Variants in TDP1 observed in about 807,000 individuals in gnomAD.
The protein encoded by TDP1 is tyr-DNA phosphodiesterase 1.
Under a neutral mutation model 81.5 loss-of-function variants are expected in TDP1, and 64 were observed. That is an observed-to-expected ratio of 0.79 (90% CI 0.64 to 0.97). The LOEUF (loss-of-function observed/expected upper bound fraction) is 0.97. Among genes scored for constraint, TDP1 ranks in the 50% least tolerant of loss-of-function variants. The pLI is 0.00. For synonymous variants in TDP1, 256 were observed against 264.3 expected, an observed-to-expected ratio of 0.97 and a Z score of 0.30; for missense variants, 723 against 743.8, an observed-to-expected ratio of 0.97 and a Z score of 0.33.
At chr14:90,001,713 C>G (rs1326287704) in intron 14 of TDP1, among the ~76,000 whole-genome samples, 2 of 152,142 alleles carry the variant, frequency 1.3e-5, no homozygotes, top group African/African-American at 4.8e-5. Flanking sequence ...AATAACTATA[C>G]TTTTCTTTCA....
At chr14:89,988,525 A>T in intron 10 of TDP1, 1 of 901,112 alleles carries the variant, frequency 1.1e-6, no homozygotes, top group Non-Finnish European at 1.3e-6. Flanking sequence ...GACCAAATAC[A>T]TATTTCATAG....
chr14:90,019,406 C>T lies in TDP1; in HGVS notation c.1632C>T (p.Leu544=), dbSNP rs1360388206. 1.2e-5 allele frequency: 19 copies of T among 1,595,700 alleles called. No homozygotes were observed. The highest frequency in any genetic ancestry group is 1.4e-5 in the Non-Finnish European group (16 of 1,163,234). Residue 544 remains leucine, a synonymous_variant, in exon 15 of 17, where the codon CTC becomes CTT. Coordinates refer to ENST00000335725, the MANE Select transcript of TDP1 (RefSeq NM_018319.4). ...CCTACGAGCTCGGGGTCCTTTTCCT[C>T]CCTTCAGCATTTGTAAGTTTACACT... ...IRSYELGVLF[L]PSAFGLDSFK... is the part of the protein sequence containing the mutation.
At chr14:90,010,186 T>G (rs565167341) in intron 14 of TDP1, among the ~76,000 whole-genome samples, 1 of 152,170 alleles carries the variant, frequency 6.6e-6, no homozygotes, top group African/African-American at 2.4e-5. Context: ...GATGAAAAGG[T>G]TTTTCTGAGT....
At chr14:90,007,530 A>G (rs1884177132) in intron 14 of TDP1, among the ~76,000 whole-genome samples, 2 of 152,232 alleles carry the variant, frequency 1.3e-5, no homozygotes, top group South Asian at 2.1e-4. Context: ...CAGAGGTGGC[A>G]GTGAGCTGAG....
At position 90,043,311 on chromosome 14, in the gene TDP1, T is replaced by A; in HGVS notation, c.*168T>A. 1 of 730,702 alleles carries A rather than the reference T, an allele frequency of 1.4e-6. No homozygotes were observed. Among genetic ancestry groups the A allele is most frequent in the Non-Finnish European group, 2.3e-6 (1 of 431,550 alleles). 45.3% of individuals were successfully genotyped at this position (730,702 alleles called of 1,614,324 possible). Reference sequence around the variant, plus strand: ...TGTTGGTTATACTTTTAATGGACATTAACATTCCTAATAAAGTATTAGTTT... The same window carrying A: ...TGTTGGTTATACTTTTAATGGACATAAACATTCCTAATAAAGTATTAGTTT... On this transcript the variant is annotated 3_prime_UTR_variant, in exon 17 of 17. Transcript: ENST00000335725.
chr14:89,973,624 C>T (rs1005416364), intron 6 of TDP1, among the ~76,000 whole-genome samples: 5 of 152,208 alleles, frequency 3.3e-5, no homozygotes, highest in African/African-American at 7.2e-5. Context: ...TGCTGACCCT[C>T]TCCCATTTTG....
chr14:89,997,990 G>A lies in TDP1; in HGVS notation c.1541+4507G>A, dbSNP rs112022734. Reference sequence around the variant, plus strand: ...ACAAAAAGCAAAGAAGTGTGTTTATGTATGCAAATGGTGGTAAGTGCTATA... The same window carrying A: ...ACAAAAAGCAAAGAAGTGTGTTTATATATGCAAATGGTGGTAAGTGCTATA... On this transcript the variant is annotated intron_variant, in intron 14 of 16. Transcript: ENST00000335725. Among the ~76,000 whole-genome samples the A allele has an allele frequency of 5.9e-3, 905 of 152,208 alleles. 5 individuals carry two copies. Among genetic ancestry groups the A allele is most frequent in the African/African-American group, 0.021 (868 of 41,500 alleles).
At chr14:89,980,460 TGTATTACATTTGCATTGGAAAG>T in intron 7 of TDP1, 58 bp from the exon 8 acceptor site, 1 of 1,462,486 alleles carries the variant, frequency 6.8e-7, no homozygotes, top group African/African-American at 1.4e-5. Context: ...CCTTTAGCTA[TGTATTACATTTGCATTGGAAAG>T]GTATTACATA....
At position 90,023,012 on chromosome 14, in the gene TDP1, C is replaced by T. The variant is rs1225296757; in HGVS notation, c.1644+3594C>T. 5.3e-6 allele frequency: 4 copies of T among 760,508 alleles called. No individual in the cohort carries two copies. In the East Asian group the frequency reaches 9.7e-5, roughly 18 times the overall value. The allele number at this position is 760,508 out of a possible 1,614,324, so 47.1% of individuals were successfully genotyped here. The stretch of plus-strand genomic sequence containing the variant: ...TACTCACTTCAGTCCCACACATACC[C>T]TGTGCCTGCTGTCTTCCAGGCCCCT... On this transcript the variant is annotated intron_variant, in intron 15 of 16. Transcript: ENST00000335725.
At chr14:89,961,016 G>A (rs1019158493) in intron 2 of TDP1, among the ~76,000 whole-genome samples, 1 of 152,194 alleles carries the variant, frequency 6.6e-6, no homozygotes, top group African/African-American at 2.4e-5. Flanking sequence ...GGCATCCCAG[G>A]GAGGAGAGGG....
At chr14:89,984,730 C>T in intron 9 of TDP1, 47 bp downstream of exon 9, 1 of 1,608,136 alleles carries the variant, frequency 6.2e-7, no homozygotes, top group South Asian at 1.1e-5. Context: ...AGGCTTATAC[C>T]TTGGGAGCCT....
intron 14 of TDP1, among the ~76,000 whole-genome samples, chr14:90,008,654 A>G (rs888276022): frequency 6.6e-6 from 1 of 152,250 alleles, no homozygotes; most frequent in Non-Finnish European, 1.5e-5. Context: ...AGCTGCCATT[A>G]TTAGCAAATT....
chr14:90,034,911 C>T (rs1887664678), intron 16 of TDP1, among the ~76,000 whole-genome samples: 1 of 152,232 alleles, frequency 6.6e-6, no homozygotes, highest in Admixed American at 6.5e-5. Context: ...ACCTTCTCAG[C>T]TTTCATGGTG....
rs756782830 is a variant in TDP1 at position 89,973,505 on chromosome 14, T to C, written c.756+2234T>C. Among the ~76,000 whole-genome samples the C allele has an allele frequency of 3.2e-4, 49 of 152,322 alleles. 1 individual carries two copies. The highest frequency in any genetic ancestry group is 4.3e-4 in the African/African-American group (18 of 41,572). ...AACTCTAGGCTGACGTACAGGATTGTGTCCTCCTGATCTCTTGAAGCACCT... is the reference window on the plus strand; with the variant it reads ...AACTCTAGGCTGACGTACAGGATTGCGTCCTCCTGATCTCTTGAAGCACCT... On this transcript the variant is annotated intron_variant, in intron 6 of 16. Transcript: ENST00000335725.
chr14:90,020,865 G>A (rs1436518288), intron 15 of TDP1, among the ~76,000 whole-genome samples: 10 of 147,678 alleles, frequency 6.8e-5, no homozygotes, highest in African/African-American at 2.0e-4. Flanking sequence ...GCATGATCTC[G>A]GCTCACTGCA....
intron 10 of TDP1, among the ~76,000 whole-genome samples, chr14:89,986,242 A>T (rs1172823559): frequency 6.6e-6 from 1 of 152,252 alleles, no homozygotes. Context: ...GCCTGTGCCC[A>T]GTCTTGGAGG....
At chr14:89,984,483 CCTGA>C (rs770612531) in intron 8 of TDP1, 29 bp from the exon 9 acceptor site, 5 of 1,613,412 alleles carry the variant, frequency 3.1e-6, no homozygotes, top group Non-Finnish European at 4.2e-6. Flanking sequence ...CAGTTGTGTG[CCTGA>C]CTGTTAAAGG....
chr14:90,032,826 C>T, intron 15 of TDP1: 1 of 984,888 alleles, frequency 1.0e-6, no homozygotes, highest in Non-Finnish European at 1.2e-6. Flanking sequence ...CTATCATATC[C>T]AAAATTGTCT....
At chr14:89,963,957 A>G (rs1363274280) in intron 3 of TDP1, among the ~76,000 whole-genome samples, 4 of 152,214 alleles carry the variant, frequency 2.6e-5, no homozygotes, top group African/African-American at 9.7e-5. Flanking sequence ...TTGATGAGTA[A>G]CAGTTTATCA....
Sources: gnomAD v4.1 joint callset for allele counts (sites outside exome capture counted in the v4.1 genomes callset) on GRCh38, gnomAD v4.1.1 for gene constraint, MANE v1.5 for transcripts, NCBI Gene and HGNC (gene_info 2026-07-23, HGNC 2026-07-21) for gene names.